Variants in ASIC2 observed in about 807,000 individuals in gnomAD.
ASIC2 encodes the protein acid sensing ion channel subunit 2.
In ASIC2, 25 loss-of-function variants were observed where a neutral mutation model predicts 57.3. The ratio of observed to expected loss-of-function variants is 0.44; its 90% CI spans 0.32 to 0.61. The LOEUF (loss-of-function observed/expected upper bound fraction) is 0.61, where lower values mean the gene tolerates loss of function less well. ASIC2 is among the 20% of genes least tolerant of loss of function. ASIC2 has a pLI of 0.06. For missense variants in ASIC2, 641 were observed against 738.1 expected, an observed-to-expected ratio of 0.87 and a Z score of 1.52; for synonymous variants, 319 against 307.5, an observed-to-expected ratio of 1.04 and a Z score of -0.39.
intron 1 of ASIC2, among the ~76,000 whole-genome samples, chr17:34,151,060 AC>A (rs1904497203): frequency 6.7e-6 from 1 of 150,290 alleles, no homozygotes; most frequent in South Asian, 2.1e-4. Flanking sequence ...CTAAGATCGC[AC>A]AACTGCACTC....
At chr17:34,100,663 G>A (rs1160884590) in intron 1 of ASIC2, among the ~76,000 whole-genome samples, 3 of 152,104 alleles carry the variant, frequency 2.0e-5, no homozygotes, top group Admixed American at 2.0e-4. Flanking sequence ...TCCCTGAGAG[G>A]GCTGAGGGCT....
chr17:33,433,795 C>T (rs991361235), intron 1 of ASIC2, among the ~76,000 whole-genome samples: 6 of 151,750 alleles, frequency 4.0e-5, no homozygotes, highest in Admixed American at 2.0e-4. Flanking sequence ...CCCTAGGTGA[C>T]GAAATAATCT....
intron 1 of ASIC2, among the ~76,000 whole-genome samples, chr17:33,334,500 G>T (rs1397123158): frequency 6.6e-6 from 1 of 152,140 alleles, no homozygotes; most frequent in Admixed American, 6.5e-5. Context: ...TTCCAGCATG[G>T]ACCAACTGTC....
At chr17:34,047,313 C>G (rs1191954890) in intron 1 of ASIC2, among the ~76,000 whole-genome samples, 2 of 151,988 alleles carry the variant, frequency 1.3e-5, no homozygotes, top group African/African-American at 4.8e-5. Context: ...CAGATATCAT[C>G]TCAACCTTCA....
intron 2 of ASIC2, among the ~76,000 whole-genome samples, chr17:33,105,746 T>C (rs890697748): frequency 3.9e-5 from 6 of 152,152 alleles, no homozygotes; most frequent in Non-Finnish European, 7.4e-5. Flanking sequence ...TTGACCAAAA[T>C]GCTGACAGTG....
intron 1 of ASIC2, chr17:33,936,831 A>G (rs118005818): frequency 0.02 from 3,049 of 152,270 alleles, 63 homozygotes; most frequent in Non-Finnish European, 0.033. Context: ...ACCTGAAGAG[A>G]CAAGCATGAA....
chr17:33,270,639 C>T (rs1174557631), intron 1 of ASIC2, among the ~76,000 whole-genome samples: 1 of 152,220 alleles, frequency 6.6e-6, no homozygotes, highest in Non-Finnish European at 1.5e-5. Context: ...AGTGGTGTTA[C>T]TGCTCCTATC....
At chr17:34,132,328 T>C (rs1912003266) in intron 1 of ASIC2, among the ~76,000 whole-genome samples, 1 of 152,126 alleles carries the variant, frequency 6.6e-6, no homozygotes, top group African/African-American at 2.4e-5. Context: ...CAAGATTTAT[T>C]GTGAAGAACA....
At chr17:33,434,451 C>T (rs1911533920) in intron 1 of ASIC2, among the ~76,000 whole-genome samples, 1 of 152,090 alleles carries the variant, frequency 6.6e-6, no homozygotes, top group Admixed American at 6.5e-5. Context: ...ATTATTTAGG[C>T]ATCTAGCCAA....
intron 1 of ASIC2, among the ~76,000 whole-genome samples, chr17:33,446,485 A>G (rs1385876053): frequency 2.6e-5 from 4 of 152,194 alleles, no homozygotes; most frequent in Admixed American, 2.6e-4. Flanking sequence ...CAGAATGTTC[A>G]ACGTGGATTA....
At chr17:34,083,610 A>G (rs1018767043) in intron 1 of ASIC2, among the ~76,000 whole-genome samples, 4 of 152,172 alleles carry the variant, frequency 2.6e-5, no homozygotes, top group African/African-American at 9.7e-5. Context: ...TGACTTCCAC[A>G]ATGGTTAACT....
chr17:33,314,475 A>G (rs1485719658), intron 1 of ASIC2, among the ~76,000 whole-genome samples: 1 of 152,164 alleles, frequency 6.6e-6, no homozygotes, highest in Non-Finnish European at 1.5e-5. Flanking sequence ...GGACAGGGAG[A>G]AAGTGAGATG....
chr17:33,782,860 C>G (rs1486673141), intron 1 of ASIC2, among the ~76,000 whole-genome samples: 2 of 152,166 alleles, frequency 1.3e-5, no homozygotes, highest in African/African-American at 4.8e-5. Flanking sequence ...TCCGGCCAGC[C>G]CCCCTGACCT....
chr17:33,484,440 A>T (rs1913512437), intron 1 of ASIC2, among the ~76,000 whole-genome samples: 1 of 152,224 alleles, frequency 6.6e-6, no homozygotes, highest in South Asian at 2.1e-4. Flanking sequence ...TAAACTACAC[A>T]GATAATTTTG....
At chr17:33,359,462 A>T (rs1355072689) in intron 1 of ASIC2, among the ~76,000 whole-genome samples, 1 of 152,184 alleles carries the variant, frequency 6.6e-6, no homozygotes, top group Non-Finnish European at 1.5e-5. Flanking sequence ...CTACTTGGTC[A>T]GGGGTTCATG....
At chr17:33,377,779 T>A (rs1322148123) in intron 1 of ASIC2, among the ~76,000 whole-genome samples, 1 of 152,226 alleles carries the variant, frequency 6.6e-6, no homozygotes, top group Admixed American at 6.5e-5. Flanking sequence ...ATCTCCTGTT[T>A]CTGATTGTGG....
intron 1 of ASIC2, among the ~76,000 whole-genome samples, chr17:34,120,722 C>CTTTTTTTTTTTTTTTTTTTTTTTTTT (rs142959293): frequency 2.1e-5 from 2 of 94,626 alleles, no homozygotes; most frequent in Non-Finnish European, 2.0e-5. Flanking sequence ...TGGGGTCCTT[C>CTTTTTTTTTTTTTTTTTTTTTTTTTT]TTTTTTTTTT....
At chr17:33,937,707 A>T (rs181852351) in intron 1 of ASIC2, among the ~76,000 whole-genome samples, 3 of 152,172 alleles carry the variant, frequency 2.0e-5, no homozygotes, top group African/African-American at 7.2e-5. Flanking sequence ...CCCTATCCAC[A>T]TTGCCAGGTA....
chr17:33,332,479 G>A (rs1188784287), intron 1 of ASIC2, among the ~76,000 whole-genome samples: 3 of 152,142 alleles, frequency 2.0e-5, no homozygotes, highest in African/African-American at 7.2e-5. Context: ...CTCACAGCAT[G>A]TCTTATTTCA....
Sources: allele counts gnomAD v4.1 joint callset (sites outside exome capture counted in the v4.1 genomes callset), GRCh38; gene constraint gnomAD v4.1.1; transcripts MANE v1.5; gene names NCBI Gene and HGNC (gene_info 2026-07-23, HGNC 2026-07-21).